TCF4: variants seen among roughly 807,000 people sequenced by gnomAD.
TCF4 encodes transcription factor 4.
Under a neutral mutation model 82.1 loss-of-function variants are expected in TCF4, and 3 were observed. The ratio of observed to expected loss-of-function variants is 0.04; its 90% CI spans 0.02 to 0.09. The LOEUF is 0.09. Among genes scored for constraint, TCF4 ranks in the 10% least tolerant of loss-of-function variants. The pLI, the probability that TCF4 is intolerant of heterozygous loss-of-function variation, is 1.00. For synonymous variants in TCF4, 276 were observed against 309.6 expected (o/e 0.89, Z 1.14); for missense variants, 518 against 852.7 (o/e 0.61, Z 4.89).
At chr18:55,296,889 T>C (rs1207923211) in intron 8 of TCF4, among the ~76,000 whole-genome samples, 1 of 152,156 alleles carries the variant, frequency 6.6e-6, no homozygotes, top group African/African-American at 2.4e-5. Flanking sequence ...GCCGTTGAAC[T>C]AGAAGGCTAA....
chr18:55,517,475 G>A (rs1208752237), intron 3 of TCF4, among the ~76,000 whole-genome samples: 2 of 152,084 alleles, frequency 1.3e-5, no homozygotes, highest in Admixed American at 1.3e-4. Flanking sequence ...GTCCAAGCAG[G>A]TAAACTACAT....
intron 3 of TCF4, among the ~76,000 whole-genome samples, chr18:55,466,375 A>G (rs1182712240): frequency 6.6e-6 from 1 of 152,118 alleles, no homozygotes; most frequent in Non-Finnish European, 1.5e-5. Context: ...ACTTGCCTGT[A>G]GTCCTAGCTA....
chr18:55,512,421 A>G (rs1176256567), intron 3 of TCF4, among the ~76,000 whole-genome samples: 1 of 152,026 alleles, frequency 6.6e-6, no homozygotes, highest in Non-Finnish European at 1.5e-5. Flanking sequence ...TTAAAAACCA[A>G]TGGAAGATAG....
chr18:55,413,879 A>C (rs982784898), intron 5 of TCF4, among the ~76,000 whole-genome samples: 1 of 152,250 alleles, frequency 6.6e-6, no homozygotes, highest in African/African-American at 2.4e-5. Context: ...GTGGTGAATG[A>C]GGCCTAAAAA....
rs575980669 is a variant in TCF4, at chr18:55,633,538, C to T, written c.196-2150G>A. 3.9e-5 allele frequency among the ~76,000 whole-genome samples: 6 copies of T among 152,112 alleles called. No homozygotes were observed. The highest frequency in any genetic ancestry group is 8.8e-5 in the Non-Finnish European group (6 of 68,032). ...TATATTCAAGGGGATGGGGGCTCCA[C>T]CTTTTGAAGTTAGTTTTGTTGGAGG... On this transcript the variant is annotated intron_variant, in intron 1 of 20. Transcript: ENST00000398339. This position sits in a 1 kb window ranked among gnomAD's most constrained non-coding sequence, Gnocchi z 4.0.
At chr18:55,295,352 G>A (rs981860047) in intron 8 of TCF4, among the ~76,000 whole-genome samples, 1 of 152,200 alleles carries the variant, frequency 6.6e-6, no homozygotes, top group Non-Finnish European at 1.5e-5. Flanking sequence ...GGACGATGAT[G>A]ATGACGATGA....
rs117395460 is a variant in TCF4 at position 55,520,296 on chromosome 18, T to C, written c.146-56159A>G. On this transcript the variant is annotated intron_variant, in intron 3 of 19. Coordinates refer to ENST00000354452, the MANE Select transcript of TCF4 (RefSeq NM_001083962.2). ...AGTACTGTAAAATAAAGCTTGTCTA[T>C]AAACGCATTGAGTCACTTAAATAAA... is the stretch of plus-strand genomic sequence containing the variant. Among the ~76,000 whole-genome samples, 7 of 152,258 alleles carry C rather than the reference T, an allele frequency of 4.6e-5. 1 individual carries two copies. In the East Asian group the frequency reaches 1.3e-3, roughly 29 times the overall value.
chr18:55,610,885 G>A (rs759741941), intron 2 of TCF4, among the ~76,000 whole-genome samples: 3 of 152,140 alleles, frequency 2.0e-5, no homozygotes, highest in South Asian at 2.1e-4. Flanking sequence ...GTACTGAAAC[G>A]CAGCAATTTT....
At chr18:55,529,154 G>C (rs1159776229) in intron 3 of TCF4, among the ~76,000 whole-genome samples, 1 of 152,046 alleles carries the variant, frequency 6.6e-6, no homozygotes, top group Admixed American at 6.6e-5. Context: ...CTTCAGCCCG[G>C]GTGGTAACAG....
chr18:55,399,989 T>C (rs2093728246), intron 6 of TCF4, among the ~76,000 whole-genome samples: 1 of 149,470 alleles, frequency 6.7e-6, no homozygotes, highest in Non-Finnish European at 1.5e-5. Flanking sequence ...ATACAAACAA[T>C]TCCTGATAAT....
chr18:55,309,572 G>C (rs116246635), intron 8 of TCF4, among the ~76,000 whole-genome samples: 1,680 of 152,306 alleles, frequency 0.011, 45 homozygotes, highest in African/African-American at 0.037. Flanking sequence ...GAAAATGTCT[G>C]AAAGAACCGA....
At chr18:55,313,285 C>T (rs747765308) in intron 8 of TCF4, among the ~76,000 whole-genome samples, 4 of 151,830 alleles carry the variant, frequency 2.6e-5, no homozygotes, top group South Asian at 2.1e-4. Context: ...GTTGTGAAGC[C>T]GGGGGGAGAT....
chr18:55,472,559 G>T lies in TCF4; in HGVS notation c.146-8422C>A, dbSNP rs752479614. On this transcript the variant is annotated intron_variant, in intron 3 of 19. Coordinates refer to ENST00000354452, the MANE Select transcript of TCF4 (RefSeq NM_001083962.2). ...TTAAAGCAATATCCTACAAATAAGA[G>T]CCATGAATAACTCAAGCAAGAGTAT... Among the ~76,000 whole-genome samples, 5 of 152,084 alleles carry T rather than the reference G, an allele frequency of 3.3e-5. 1 individual carries two copies. Among genetic ancestry groups the T allele is most frequent in the Admixed American group, 2.0e-4 (3 of 15,266 alleles).
intron 5 of TCF4, among the ~76,000 whole-genome samples, chr18:55,440,067 G>T (rs1024712649): frequency 2.0e-5 from 3 of 151,974 alleles, no homozygotes; most frequent in Non-Finnish European, 2.9e-5. Flanking sequence ...TAACTTTGGG[G>T]TGTCTGTTTA....
chr18:55,435,930 G>A (rs544640831), intron 5 of TCF4, among the ~76,000 whole-genome samples: 1 of 152,186 alleles, frequency 6.6e-6, no homozygotes, highest in African/African-American at 2.4e-5. Context: ...GTGATAAAGG[G>A]TGTATCTCCA....
At chr18:55,542,613 C>T (rs2097173601) in intron 3 of TCF4, among the ~76,000 whole-genome samples, 1 of 151,884 alleles carries the variant, frequency 6.6e-6, no homozygotes, top group Non-Finnish European at 1.5e-5. Context: ...ATTTTATTTG[C>T]CCACCATTTA....
At chr18:55,572,995 G>A (rs2097489392) in intron 3 of TCF4, among the ~76,000 whole-genome samples, 1 of 152,000 alleles carries the variant, frequency 6.6e-6, no homozygotes, top group African/African-American at 2.4e-5. Context: ...AGAGGTTGCA[G>A]TGAGCTGAGA....
chr18:55,285,066 C>T (rs1018871481), intron 8 of TCF4, among the ~76,000 whole-genome samples: 1 of 152,146 alleles, frequency 6.6e-6, no homozygotes. Context: ...TGCAGTGATA[C>T]GTCCATATTC....
Position 55,525,075 on chromosome 18 carries a change from T to C in TCF4, c.145+60205A>G, listed in dbSNP as rs1320908100. On this transcript the variant is annotated intron_variant, in intron 3 of 19. Transcript: ENST00000354452. ...CTACCCACCATATCCCCTTTCCCCCTCTCTCTCCTATCTTACTCTAATCAG... is the reference window on the plus strand; with the variant it reads ...CTACCCACCATATCCCCTTTCCCCCCCTCTCTCCTATCTTACTCTAATCAG... 2.6e-5 allele frequency among the ~76,000 whole-genome samples: 4 copies of C among 152,010 alleles called. No homozygotes were observed. In the East Asian group the frequency reaches 7.7e-4, roughly 29 times the overall value.
Sources: allele counts gnomAD v4.1 joint callset (sites outside exome capture counted in the v4.1 genomes callset), GRCh38; gene constraint gnomAD v4.1.1; non-coding constraint Gnocchi (gnomAD v3.1); transcripts MANE v1.5; gene names NCBI Gene and HGNC (gene_info 2026-07-23, HGNC 2026-07-21).